The following SGMS1 variants were observed in gnomAD, a reference collection of about 807,000 sequenced individuals.
SGMS1 encodes sphingomyelin synthase 1, also known as phosphatidylcholine:ceramide cholinephosphotransferase 1.
SGMS1 carries 13 observed loss-of-function variants against 46.2 expected under a neutral mutation model. The observed-to-expected ratio is 0.28, with a 90% CI of 0.18 to 0.45. SGMS1 has a LOEUF of 0.45. SGMS1 is among the 20% of genes least tolerant of loss of function. SGMS1 has a pLI of 1.00. For synonymous variants in SGMS1, 203 were observed against 187.8 expected (o/e 1.08, Z -0.66); for missense variants, 324 against 519.9 (o/e 0.62, Z 3.66).
At chr10:50,510,795 G>C (rs547184557) in intron 3 of SGMS1, among the ~76,000 whole-genome samples, 1 of 152,000 alleles carries the variant, frequency 6.6e-6, no homozygotes, top group East Asian at 1.9e-4. Context: ...TACAGCCCAC[G>C]TTCAGATTTC....
chr10:50,347,276 A>T (rs762373469), intron 6 of SGMS1, among the ~76,000 whole-genome samples: 3 of 152,202 alleles, frequency 2.0e-5, no homozygotes, highest in Non-Finnish European at 2.9e-5. Context: ...CCTTTGACCT[A>T]GTAATGTGTA....
At chr10:50,413,736 G>A (rs1849131585) in intron 6 of SGMS1, among the ~76,000 whole-genome samples, 1 of 152,210 alleles carries the variant, frequency 6.6e-6, no homozygotes, top group Non-Finnish European at 1.5e-5. Context: ...ATTGAGTTAA[G>A]CTAATCACCC....
chr10:50,578,262 G>A (rs1340740246), intron 2 of SGMS1, among the ~76,000 whole-genome samples: 1 of 152,196 alleles, frequency 6.6e-6, no homozygotes, highest in Admixed American at 6.5e-5. Flanking sequence ...TCCCTTTGCG[G>A]TATTTATGTC....
chr10:50,310,801 T>C (rs565231965), intron 9 of SGMS1, among the ~76,000 whole-genome samples: 27 of 152,326 alleles, frequency 1.8e-4, no homozygotes, highest in Non-Finnish European at 3.1e-4. Flanking sequence ...CCTGAGCCCA[T>C]GGCCTTGTTG....
chr10:50,576,366 CT>C, intron 2 of SGMS1, among the ~76,000 whole-genome samples: 1 of 152,332 alleles, frequency 6.6e-6, no homozygotes, highest in South Asian at 2.1e-4. Flanking sequence ...TCTGAAGCCC[CT>C]GATCGAGTAC....
At chr10:50,347,157 A>G (rs1436211) in intron 6 of SGMS1, among the ~76,000 whole-genome samples, 79,503 of 151,862 alleles carry the variant, frequency 0.52, 20,943 homozygotes, top group Admixed American at 0.61. Context: ...TAGACTCCCC[A>G]AAGAGCCTAC....
chr10:50,613,634 G>A (rs765197953), intron 1 of SGMS1, among the ~76,000 whole-genome samples: 1 of 152,178 alleles, frequency 6.6e-6, no homozygotes, highest in Non-Finnish European at 1.5e-5. Flanking sequence ...GGAGAGTCCT[G>A]ATAACTAGCA....
chr10:50,551,078 G>A (rs1357280759), intron 2 of SGMS1, among the ~76,000 whole-genome samples: 1 of 152,054 alleles, frequency 6.6e-6, no homozygotes, highest in African/African-American at 2.4e-5. Flanking sequence ...GCTACATATA[G>A]TGACTTCCTT....
intron 7 of SGMS1, among the ~76,000 whole-genome samples, chr10:50,338,743 CA>C (rs1395949227): frequency 2.4e-4 from 36 of 148,584 alleles, no homozygotes; most frequent in African/African-American, 8.9e-4. Context: ...ACTGCAATGG[CA>C]TTTTTTTTTT....
chr10:50,431,541 T>G (rs1849404224), intron 6 of SGMS1, among the ~76,000 whole-genome samples: 1 of 152,180 alleles, frequency 6.6e-6, no homozygotes, highest in African/African-American at 2.4e-5. Context: ...AGAAGTTGCT[T>G]CTAGAAGAAA....
chr10:50,617,584 G>GTATT (rs1445780351), intron 1 of SGMS1, among the ~76,000 whole-genome samples: 1 of 152,026 alleles, frequency 6.6e-6, no homozygotes, highest in African/African-American at 2.4e-5. Flanking sequence ...TTTTATTTAT[G>GTATT]TATTTATTTA....
chr10:50,596,557 CT>C (rs1838596311), intron 1 of SGMS1, among the ~76,000 whole-genome samples: 1 of 152,200 alleles, frequency 6.6e-6, no homozygotes, highest in Non-Finnish European at 1.5e-5. Flanking sequence ...TAGATCAACC[CT>C]TTATGATATC....
intron 1 of SGMS1, among the ~76,000 whole-genome samples, chr10:50,619,678 T>G (rs1165347777): frequency 6.6e-6 from 1 of 152,168 alleles, no homozygotes; most frequent in Non-Finnish European, 1.5e-5. Context: ...ATCACCCAAA[T>G]TATCTAAATC....
At chr10:50,590,974 C>A (rs1038447735) in intron 1 of SGMS1, among the ~76,000 whole-genome samples, 4 of 151,686 alleles carry the variant, frequency 2.6e-5, no homozygotes, top group African/African-American at 9.7e-5. Flanking sequence ...AAGGCATCCA[C>A]GTACCCACCT....
chr10:50,425,333 A>G (rs113635021), intron 6 of SGMS1, among the ~76,000 whole-genome samples: 22 of 152,354 alleles, frequency 1.4e-4, no homozygotes, highest in African/African-American at 5.1e-4. Context: ...TAGCAAAGAC[A>G]GGGAATCAAC....
chr10:50,579,023 T>A (rs1199875045), intron 2 of SGMS1, among the ~76,000 whole-genome samples: 1 of 151,916 alleles, frequency 6.6e-6, no homozygotes, highest in Non-Finnish European at 1.5e-5. Context: ...AAAAGCAACT[T>A]GAAGGAAATA....
chr10:50,388,544 C>T lies in SGMS1; in HGVS notation c.-231-44199G>A, dbSNP rs374902076. ...CCTGTAATCCTAGATACTCAGGAGGCAGAGGCTGCAGCGAGCTAAGTTCGC... is the reference window on the plus strand; with the variant it reads ...CCTGTAATCCTAGATACTCAGGAGGTAGAGGCTGCAGCGAGCTAAGTTCGC... On this transcript the variant is annotated intron_variant, in intron 6 of 10. Coordinates refer to ENST00000361781, the MANE Select transcript of SGMS1 (RefSeq NM_147156.4). Among the ~76,000 whole-genome samples the T allele has an allele frequency of 1.4e-3, 211 of 150,036 alleles. 1 individual carries two copies. The highest frequency in any genetic ancestry group is 4.8e-3 in the South Asian group (23 of 4,752).
intron 6 of SGMS1, among the ~76,000 whole-genome samples, chr10:50,430,160 G>T (rs1365139171): frequency 6.6e-6 from 1 of 151,962 alleles, no homozygotes; most frequent in Admixed American, 6.6e-5. Flanking sequence ...TCTGTTCAAA[G>T]GTCTCATCCA....
At chr10:50,317,712 C>T (rs1459239092) in intron 8 of SGMS1, among the ~76,000 whole-genome samples, 1 of 151,902 alleles carries the variant, frequency 6.6e-6, no homozygotes, top group Non-Finnish European at 1.5e-5. Context: ...ATAGCTAAAA[C>T]AACATTTATT....
Sources: gnomAD v4.1 joint callset for allele counts (sites outside exome capture counted in the v4.1 genomes callset) on GRCh38, gnomAD v4.1.1 for gene constraint, MANE v1.5 for transcripts, NCBI Gene and HGNC (gene_info 2026-07-23, HGNC 2026-07-21) for gene names.